BLK: variants seen among roughly 807,000 people sequenced by gnomAD.
The protein encoded by BLK is tyrosine-protein kinase Blk.
BLK carries 64 observed loss-of-function variants against 61.8 expected under a neutral mutation model. The ratio of observed to expected loss-of-function variants is 1.03; its 90% CI spans 0.85 to 1.27. BLK has a LOEUF of 1.27. Among genes scored for constraint, BLK ranks in the 50% most tolerant of loss-of-function variants. The probability of loss-of-function intolerance (pLI) is 0.00; values close to 1 mark genes in which losing one functional copy is unlikely to be tolerated. For synonymous variants in BLK, 351 were observed against 272.0 expected (o/e 1.29, Z -2.86); for missense variants, 853 against 660.5 (o/e 1.29, Z -3.19).
In BLK at chr8:11,543,333, C is replaced by G. The variant is rs751857286; in HGVS notation, c.109C>G (p.Pro37Ala). The G allele has an allele frequency of 1.9e-6, 3 of 1,613,262 alleles. No individual in the cohort carries two copies. In the South Asian group the frequency reaches 3.3e-5, roughly 18 times the overall value. ...CAGCGCCCAAGACAAGGACGCCCCGCCACTGCCGCCCCTGGTGAGTGATTG... is the reference window on the plus strand; with the variant it reads ...CAGCGCCCAAGACAAGGACGCCCCGGCACTGCCGCCCCTGGTGAGTGATTG... Reference protein sequence around the residue: ...KVSAQDKDAPPLPPLVVFNHL... With the variant: ...KVSAQDKDAPALPPLVVFNHL... Residue 37 changes from proline to alanine, a missense_variant, in exon 2 of 13, where the codon CCA (proline) becomes GCA (alanine). Physicochemically the swap from Pro to Ala is conservative, Grantham distance 27. Coordinates refer to ENST00000259089, the MANE Select transcript of BLK (RefSeq NM_001715.3).
In BLK at chr8:11,554,736, C is replaced by G. The variant is rs200091252; in HGVS notation, c.473-7C>G. 1.0e-3 allele frequency: 1,605 copies of G among 1,613,052 alleles called. No individual in the cohort carries two copies. The highest frequency in any genetic ancestry group is 1.3e-3 in the Non-Finnish European group (1,502 of 1,180,002). ...ACTTCTCGTGTGTGTCTTCATGAACCCTCCAGGTGCCTTCTCCCTGTCTGT... is the reference window on the plus strand; with the variant it reads ...ACTTCTCGTGTGTGTCTTCATGAACGCTCCAGGTGCCTTCTCCCTGTCTGT... On this transcript the variant is annotated splice_polypyrimidine_tract_variant and splice_region_variant and intron_variant, in intron 6 of 12. Transcript: ENST00000259089.
At chr8:11,540,609 C>T (rs1800330033) in intron 1 of BLK, among the ~76,000 whole-genome samples, 1 of 152,014 alleles carries the variant, frequency 6.6e-6, no homozygotes, top group East Asian at 1.9e-4. Flanking sequence ...CAAGACAATG[C>T]TACATAAAAC....
intron 10 of BLK, chr8:11,558,449 G>A (rs564543351): frequency 1.5e-4 from 55 of 360,928 alleles, no homozygotes; most frequent in African/African-American, 1.1e-3. Flanking sequence ...TCTCCTGTAG[G>A]ACTTCCCATC....
chr8:11,527,016 T>C (rs903050906), intron 1 of BLK, among the ~76,000 whole-genome samples: 10 of 152,244 alleles, frequency 6.6e-5, no homozygotes, highest in Non-Finnish European at 1.5e-4. Flanking sequence ...TCCTTATTTC[T>C]TATAACTCAT....
At chr8:11,514,650 T>C (rs771045813) in intron 1 of BLK, among the ~76,000 whole-genome samples, 15 of 152,150 alleles carry the variant, frequency 9.9e-5, no homozygotes, top group Non-Finnish European at 1.3e-4. Flanking sequence ...TGCCCCCACC[T>C]CTGGGCTCGA....
At chr8:11,496,049 C>G (rs1183939528) in intron 1 of BLK, among the ~76,000 whole-genome samples, 1 of 152,222 alleles carries the variant, frequency 6.6e-6, no homozygotes, top group East Asian at 1.9e-4. Context: ...GCCTGGTGAT[C>G]ACACCTTCTC....
At chr8:11,513,727 G>C (rs1799113109) in intron 1 of BLK, among the ~76,000 whole-genome samples, 1 of 152,214 alleles carries the variant, frequency 6.6e-6, no homozygotes, top group Non-Finnish European at 1.5e-5. Context: ...CTTCTAAATA[G>C]TTAGCCAGAG....
chr8:11,509,078 C>T (rs1039464485), intron 1 of BLK: 2 of 152,216 alleles, frequency 1.3e-5, no homozygotes, highest in East Asian at 1.9e-4. Context: ...AACAATGACT[C>T]AGGTGCTGAC....
chr8:11,507,512 A>G (rs563576793), intron 1 of BLK, among the ~76,000 whole-genome samples: 2 of 152,216 alleles, frequency 1.3e-5, no homozygotes, highest in Non-Finnish European at 2.9e-5. Flanking sequence ...CTTTTAAAAG[A>G]AGGCAAGTCA....
rs1371074510 is a variant in BLK at position 11,564,426 on chromosome 8, G to A, written c.*318G>A. ...GCGACTGTCATCAAGTAAGGCCCCC[G>A]TGCTGGGCACCCCCCGTGCTGGCCG... On this transcript the variant is annotated 3_prime_UTR_variant, in exon 13 of 13. Coordinates refer to ENST00000259089, the MANE Select transcript of BLK (RefSeq NM_001715.3). 3 of 596,670 alleles carry A rather than the reference G, an allele frequency of 5.0e-6. No individual in the cohort carries two copies. The highest frequency in any genetic ancestry group is 3.6e-5 in the East Asian group (1 of 27,816). The allele number at this position is 596,670 out of a possible 1,614,324, so 37.0% of individuals were successfully genotyped here. A position where few individuals can be genotyped will look rare whatever the true frequency, so the allele number is the denominator to read the frequency against.
At chr8:11,502,981 G>A (rs765547190) in intron 1 of BLK, among the ~76,000 whole-genome samples, 2 of 152,146 alleles carry the variant, frequency 1.3e-5, no homozygotes, top group South Asian at 2.1e-4. Context: ...CTCGCAAAAC[G>A]GCTACTGTTT....
intron 1 of BLK, among the ~76,000 whole-genome samples, chr8:11,528,421 T>C (rs1183153164): frequency 6.6e-6 from 1 of 152,216 alleles, no homozygotes; most frequent in African/African-American, 2.4e-5. Context: ...AAGGAGAGCT[T>C]GGAGGTCAGA....
At chr8:11,504,113 C>T in intron 1 of BLK, among the ~76,000 whole-genome samples, 1 of 152,150 alleles carries the variant, frequency 6.6e-6, no homozygotes, top group Non-Finnish European at 1.5e-5. Flanking sequence ...CACTTGAGGT[C>T]AGGAGTTTGA....
chr8:11,536,193 T>C (rs1231892430), intron 1 of BLK, among the ~76,000 whole-genome samples: 2 of 152,212 alleles, frequency 1.3e-5, no homozygotes, highest in South Asian at 2.1e-4. Context: ...AATGTCTCCA[T>C]GCTTTAGAAA....
chr8:11,537,476 A>T (rs1800180875), intron 1 of BLK, among the ~76,000 whole-genome samples: 1 of 152,210 alleles, frequency 6.6e-6, no homozygotes, highest in Admixed American at 6.5e-5. Flanking sequence ...GCTTCCAGAT[A>T]CAAAATAGCA....
At position 11,559,306 on chromosome 8, in the gene BLK, C is replaced by G. The variant is rs568861895; in HGVS notation, c.1029+1268C>G. On this transcript the variant is annotated intron_variant, in intron 10 of 12. Coordinates refer to ENST00000259089, the MANE Select transcript of BLK (RefSeq NM_001715.3). ...GCACACATGTACACACACACACTCT[C>G]ACACACATAAAAACACAGACTCACA... Among the ~76,000 whole-genome samples, 3 of 145,550 alleles carry G rather than the reference C, an allele frequency of 2.1e-5. No individual in the cohort carries two copies. In the East Asian group the frequency reaches 5.8e-4, roughly 28 times the overall value.
chr8:11,533,235 C>T (rs922736054), intron 1 of BLK, among the ~76,000 whole-genome samples: 1 of 152,152 alleles, frequency 6.6e-6, no homozygotes, highest in Non-Finnish European at 1.5e-5. Flanking sequence ...GGCCTGAGAC[C>T]TTTTCTTTTC....
intron 1 of BLK, among the ~76,000 whole-genome samples, chr8:11,513,224 G>C (rs2618456): frequency 0.84 from 128,454 of 152,126 alleles, 54,461 homozygotes; most frequent in African/African-American, 0.89. Context: ...GCAGTTGGCT[G>C]ATGAACTAGG....
intron 1 of BLK, among the ~76,000 whole-genome samples, chr8:11,506,474 G>A (rs1268303354): frequency 6.6e-6 from 1 of 152,196 alleles, no homozygotes; most frequent in East Asian, 1.9e-4. Context: ...GGAGGGGTGT[G>A]GGTGGGCTCA....
Sources: allele counts gnomAD v4.1 joint callset (sites outside exome capture counted in the v4.1 genomes callset), GRCh38; gene constraint gnomAD v4.1.1; transcripts MANE v1.5; gene names NCBI Gene and HGNC (gene_info 2026-07-23, HGNC 2026-07-21).